Variants in WNT7B observed in about 807,000 individuals in gnomAD.
The protein encoded by WNT7B is Wnt family member 7B, also known as protein Wnt-7b.
In WNT7B, 19 loss-of-function variants were observed where a neutral mutation model predicts 38.2. The ratio of observed to expected loss-of-function variants is 0.50; its 90% CI spans 0.35 to 0.73. WNT7B has a LOEUF of 0.73. Ranked by LOEUF, WNT7B falls within the 30% of genes least tolerant of loss-of-function variation. The pLI is 0.01. For missense variants in WNT7B, 423 were observed against 507.9 expected (o/e 0.83, Z 1.61); for synonymous variants, 243 against 209.3 (o/e 1.16, Z -1.39).
At chr22:45,974,004 G>A (rs969288021) in intron 1 of WNT7B, among the ~76,000 whole-genome samples, 4 of 152,160 alleles carry the variant, frequency 2.6e-5, no homozygotes, top group African/African-American at 9.7e-5. Flanking sequence ...GAAAATCCCA[G>A]CTCCTGGGAT....
Position 45,962,606 on chromosome 22 carries a change from C to T in WNT7B, c.72-12460G>A, listed in dbSNP as rs376877277. Reference sequence around the variant, plus strand: ...ATCTGTGCTGGGCTCCTGAGGAAGCCGTTGGGACTGAAATTCAGCTATGCC... The same window carrying T: ...ATCTGTGCTGGGCTCCTGAGGAAGCTGTTGGGACTGAAATTCAGCTATGCC... On this transcript the variant is annotated intron_variant, in intron 1 of 3. Transcript: ENST00000339464. 4.6e-5 allele frequency among the ~76,000 whole-genome samples: 7 copies of T among 152,334 alleles called. No homozygotes were observed. In the South Asian group the frequency reaches 1.0e-3, roughly 23 times the overall value.
chr22:45,948,437 G>A lies in WNT7B; in HGVS notation c.298+1483C>T, dbSNP rs930977514. On this transcript the variant is annotated intron_variant, in intron 2 of 3. Coordinates refer to ENST00000339464, the MANE Select transcript of WNT7B (RefSeq NM_058238.3). Reference sequence around the variant, plus strand: ...CGGGCCCCAGGGGCTTTTCCCCTGCGCCACCCCCAGCCCCACACCAGCGTT... The same window carrying A: ...CGGGCCCCAGGGGCTTTTCCCCTGCACCACCCCCAGCCCCACACCAGCGTT... Among the ~76,000 whole-genome samples the A allele has an allele frequency of 7.9e-5, 12 of 152,284 alleles. No individual in the cohort carries two copies. In the South Asian group the frequency reaches 1.5e-3, roughly 18 times the overall value.
rs574354056 is a variant in WNT7B at position 45,971,202 on chromosome 22, C to T, written c.71+5482G>A. On this transcript the variant is annotated intron_variant, in intron 1 of 3. Transcript: ENST00000339464. The stretch of plus-strand genomic sequence containing the variant: ...GAAGGCAGCGGCTGCCCCCTCTGGC[C>T]GCGTCAGGCGACCCCGGACGTGGCC... Among the ~76,000 whole-genome samples, 14 of 143,998 alleles carry T rather than the reference C, an allele frequency of 9.7e-5. No homozygotes were observed. The South Asian group carries it at 2.6e-3, about 27-fold the overall frequency. 94.5% of individuals were successfully genotyped at this position (143,998 alleles called of 152,430 possible). A position where few individuals can be genotyped will look rare whatever the true frequency, so the allele number is the denominator to read the frequency against.
intron 2 of WNT7B, among the ~76,000 whole-genome samples, chr22:45,941,638 G>A (rs543185751): frequency 2.0e-5 from 3 of 152,246 alleles, no homozygotes; most frequent in Admixed American, 6.5e-5. Context: ...CCTCGGCCAC[G>A]GGTGGCTTAA....
chr22:45,947,832 T>A (rs1177987654), intron 2 of WNT7B, among the ~76,000 whole-genome samples: 2 of 152,084 alleles, frequency 1.3e-5, no homozygotes, highest in African/African-American at 4.8e-5. Context: ...AGGGGTGTCT[T>A]AGGTGGGCTC....
At chr22:45,968,278 T>C (rs1267631233) in intron 1 of WNT7B, among the ~76,000 whole-genome samples, 1 of 152,192 alleles carries the variant, frequency 6.6e-6, no homozygotes, top group Non-Finnish European at 1.5e-5. Flanking sequence ...ACACAGCCAC[T>C]GGGCCTCCCT....
At chr22:45,972,178 G>A (rs1323795623) in intron 1 of WNT7B, 1 of 645,982 alleles carries the variant, frequency 1.5e-6, no homozygotes, top group Non-Finnish European at 2.8e-6. Context: ...TGGACAGGAG[G>A]AGAAAGATCT....
At position 45,976,583 on chromosome 22, in the gene WNT7B, T is replaced by A; in HGVS notation, c.71+101A>T. 7.8e-7 allele frequency: 1 copy of A among 1,288,568 alleles called. No individual in the cohort carries two copies. Among genetic ancestry groups the A allele is most frequent in the Admixed American group, 2.0e-5 (1 of 49,352 alleles). The allele number at this position is 1,288,568 out of a possible 1,614,324, so 79.8% of individuals were successfully genotyped here. ...AGCCCCGGAGCCCAGAGAGCTGCAG[T>A]GGCCCCCTCCAGTCCCCACGTCCCC... On this transcript the variant is annotated intron_variant, in intron 1 of 3. Coordinates refer to ENST00000339464, the MANE Select transcript of WNT7B (RefSeq NM_058238.3). This position sits in a 1 kb window ranked among gnomAD's most constrained non-coding sequence, Gnocchi z 8.5.
intron 1 of WNT7B, among the ~76,000 whole-genome samples, chr22:45,957,089 A>G (rs1932082056): frequency 1.4e-5 from 2 of 140,096 alleles, no homozygotes; most frequent in South Asian, 4.7e-4. Context: ...CTGGTGACAG[A>G]GCGAGACTCT....
chr22:45,944,310 C>A (rs1339240591), intron 2 of WNT7B, among the ~76,000 whole-genome samples: 1 of 152,214 alleles, frequency 6.6e-6, no homozygotes. Context: ...CCGCCTAGCC[C>A]ACAGGGCCTC....
chr22:45,943,400 G>C (rs916835597), intron 2 of WNT7B, among the ~76,000 whole-genome samples: 3 of 152,246 alleles, frequency 2.0e-5, no homozygotes, highest in Non-Finnish European at 4.4e-5. Flanking sequence ...CACGCCAAGC[G>C]GCAGGCCCCC....
intron 1 of WNT7B, chr22:45,972,115 A>AGGGGGG: frequency 5.6e-6 from 2 of 356,304 alleles, no homozygotes; most frequent in Non-Finnish European, 1.0e-5. Context: ...GCCCGGGGGG[A>AGGGGGG]GCCCACCCGC....
chr22:45,930,986 A>C (rs552264709), intron 3 of WNT7B, 112 bp downstream of exon 3: 1 of 1,404,902 alleles, frequency 7.1e-7, no homozygotes, highest in South Asian at 1.5e-5. Flanking sequence ...CCCCCTGCAC[A>C]CCTACGGAGA....
rs796470139 is a variant in WNT7B at position 45,951,170 on chromosome 22, C to T, written c.72-1024G>A. 2.2e-4 allele frequency among the ~76,000 whole-genome samples: 34 copies of T among 152,270 alleles called. No individual in the cohort carries two copies. Among genetic ancestry groups the T allele is most frequent in the African/African-American group, 7.9e-4 (33 of 41,528 alleles). ...TCAGCTCACTGCAACCTCCACATTC[C>T]GGGTTCAAGCCATCCTTTTGCCTTA... On this transcript the variant is annotated intron_variant, in intron 1 of 3. Coordinates refer to ENST00000339464, the MANE Select transcript of WNT7B (RefSeq NM_058238.3). This position sits in a 1 kb window ranked among gnomAD's most constrained non-coding sequence, Gnocchi z 4.8.
intron 2 of WNT7B, among the ~76,000 whole-genome samples, chr22:45,944,816 C>A (rs1481403707): frequency 6.6e-6 from 1 of 152,228 alleles, no homozygotes; most frequent in Non-Finnish European, 1.5e-5. Context: ...TGCCCTCCCA[C>A]CCCCGCGCTG....
chr22:45,931,452 C>T (rs2146713727), intron 2 of WNT7B, 83 bp from the exon 3 acceptor site: 2 of 1,430,470 alleles, frequency 1.4e-6, no homozygotes, highest in East Asian at 2.5e-5. Context: ...GGGCCTCGAT[C>T]CACCTGCTGT....
intron 1 of WNT7B, among the ~76,000 whole-genome samples, chr22:45,959,625 C>T (rs1201863499): frequency 6.6e-6 from 1 of 152,176 alleles, no homozygotes; most frequent in Non-Finnish European, 1.5e-5. Flanking sequence ...CAAACCACAG[C>T]CCAGCTCTGT....
intron 2 of WNT7B, among the ~76,000 whole-genome samples, chr22:45,933,284 T>G (rs771244988): frequency 8.5e-5 from 13 of 152,128 alleles, no homozygotes; most frequent in Admixed American, 2.6e-4. Flanking sequence ...ATGATCAGCC[T>G]CCTCTGAGCT....
At chr22:45,967,350 C>CA (rs1442959125) in intron 1 of WNT7B, among the ~76,000 whole-genome samples, 1 of 152,198 alleles carries the variant, frequency 6.6e-6, no homozygotes, top group Non-Finnish European at 1.5e-5. Context: ...TGTAGGGCGG[C>CA]AGCCTTAGGA....
Sources: allele counts gnomAD v4.1 joint callset (sites outside exome capture counted in the v4.1 genomes callset), GRCh38; gene constraint gnomAD v4.1.1; non-coding constraint Gnocchi (gnomAD v3.1); transcripts MANE v1.5; gene names NCBI Gene and HGNC (gene_info 2026-07-23, HGNC 2026-07-21).